Variants in TBC1D4 observed in about 807,000 individuals in gnomAD.
TBC1D4 encodes the protein TBC (Tre-2, BUB2, CDC16) domain-containing protein.
TBC1D4 carries 121 observed loss-of-function variants against 142.5 expected under a neutral mutation model. The observed-to-expected ratio is 0.85, with a 90% CI of 0.73 to 0.99. The LOEUF (loss-of-function observed/expected upper bound fraction) is 0.99, where lower values mean the gene tolerates loss of function less well. TBC1D4 is among the 50% of genes least tolerant of loss of function. TBC1D4 has a pLI of 0.00. For synonymous variants in TBC1D4, 630 were observed against 628.2 expected (o/e 1.00, Z -0.04); for missense variants, 1,475 against 1,606.6 (o/e 0.92, Z 1.40).
intron 8 of TBC1D4, among the ~76,000 whole-genome samples, chr13:75,332,356 G>T (rs1385097181): frequency 6.6e-6 from 1 of 152,182 alleles, no homozygotes; most frequent in Non-Finnish European, 1.5e-5. Flanking sequence ...CTTAGAAAAG[G>T]CAAATAATTC....
chr13:75,384,758 C>T (rs954472849), intron 1 of TBC1D4, among the ~76,000 whole-genome samples: 6 of 152,008 alleles, frequency 3.9e-5, no homozygotes, highest in Admixed American at 1.3e-4. Flanking sequence ...ATTATTCCTT[C>T]CACAACTCTG....
At chr13:75,481,224 C>G in intron 1 of TBC1D4, 46 bp downstream of exon 1, 1 of 873,234 alleles carries the variant, frequency 1.1e-6, no homozygotes, top group Non-Finnish European at 1.8e-6. Flanking sequence ...GCTCCCCGAT[C>G]CCCCAAGGCC....
intron 2 of TBC1D4, among the ~76,000 whole-genome samples, chr13:75,361,460 A>G (rs1171351724): frequency 6.6e-6 from 1 of 152,098 alleles, no homozygotes; most frequent in East Asian, 1.9e-4. Context: ...AGCTCACTAC[A>G]ACCTCCGACT....
chr13:75,444,394 T>C (rs1247173222), intron 1 of TBC1D4, among the ~76,000 whole-genome samples: 5 of 152,200 alleles, frequency 3.3e-5, no homozygotes, highest in Admixed American at 3.3e-4. Flanking sequence ...CCCAAAGGGC[T>C]GGGACTACAG....
Position 75,294,836 on chromosome 13 carries a change from A to T in TBC1D4, c.3316+18T>A. On this transcript the variant is annotated intron_variant, in intron 18 of 20. Transcript: ENST00000377636. ...GGAATAAATAATACTGTTCCATTTA[A>T]TTACAGGTATCTCTTACCAAAAACT... 6.2e-7 allele frequency: 1 copy of T among 1,611,994 alleles called. No homozygotes were observed. Among genetic ancestry groups the T allele is most frequent in the Non-Finnish European group, 8.5e-7 (1 of 1,178,174 alleles).
chr13:75,378,428 T>C (rs1396903890), intron 1 of TBC1D4, among the ~76,000 whole-genome samples: 1 of 152,082 alleles, frequency 6.6e-6, no homozygotes, highest in African/African-American at 2.4e-5. Flanking sequence ...ATCTAAACAA[T>C]GAGAGAAAAC....
chr13:75,455,364 G>A (rs1338752252), intron 1 of TBC1D4, among the ~76,000 whole-genome samples: 2 of 151,932 alleles, frequency 1.3e-5, no homozygotes, highest in Non-Finnish European at 2.9e-5. Flanking sequence ...ACTATACAAC[G>A]ATTATAATTA....
At chr13:75,328,924 CCT>C (rs983719685) in intron 8 of TBC1D4, among the ~76,000 whole-genome samples, 30 of 151,962 alleles carry the variant, frequency 2.0e-4, no homozygotes, top group Admixed American at 1.2e-3. Context: ...TCATCAACCC[CCT>C]CTCTTGCACT....
At chr13:75,347,343 G>A (rs1017458651) in intron 5 of TBC1D4, among the ~76,000 whole-genome samples, 1 of 152,068 alleles carries the variant, frequency 6.6e-6, no homozygotes, top group Non-Finnish European at 1.5e-5. Context: ...CTACTGCGTG[G>A]TTTTATCTTT....
chr13:75,431,694 A>G (rs140742317), intron 1 of TBC1D4, among the ~76,000 whole-genome samples: 174 of 152,340 alleles, frequency 1.1e-3, no homozygotes, highest in African/African-American at 3.1e-3. Flanking sequence ...TTTACTAAGT[A>G]ACTATTTGCA....
intron 5 of TBC1D4, among the ~76,000 whole-genome samples, chr13:75,347,791 TA>T (rs1013063289): frequency 2.2e-4 from 34 of 152,198 alleles, no homozygotes; most frequent in African/African-American, 7.2e-4. Flanking sequence ...TGTTTGAAAA[TA>T]ATGTACATTC....
intron 1 of TBC1D4, among the ~76,000 whole-genome samples, chr13:75,372,274 CT>C (rs5804806): frequency 4.7e-5 from 7 of 147,916 alleles, no homozygotes; most frequent in Admixed American, 6.7e-5. Flanking sequence ...TTAAGGCTCA[CT>C]TTTTTTTTTT....
At chr13:75,319,616 G>C (rs930611102) in intron 12 of TBC1D4, among the ~76,000 whole-genome samples, 2 of 152,200 alleles carry the variant, frequency 1.3e-5, no homozygotes, top group African/African-American at 4.8e-5. Context: ...TCAATTTTGT[G>C]AGTACGTTTC....
rs780708104 is a variant in TBC1D4, at chr13:75,362,329, C to T, written c.777G>A (p.Val259=). 1 of 1,614,078 alleles carries T rather than the reference C, an allele frequency of 6.2e-7. No homozygotes were observed. Among genetic ancestry groups the T allele is most frequent in the Non-Finnish European group, 8.5e-7 (1 of 1,180,042 alleles). ...GEDLADLEVV[V]PGSPGDCLPE... ...GCAGGCAGTCTCCGGGGGACCCGGG[C>T]ACCACCACCTCCAAGTCAGCCAGGT... is the stretch of plus-strand genomic sequence containing the variant. The change falls in exon 2 of 21, where the codon GTG becomes GTA. Residue 259 remains valine, a synonymous_variant. Transcript: ENST00000377636. The surrounding 1 kb of genome is among the most constrained non-coding windows in gnomAD (Gnocchi z 4.2).
intron 3 of TBC1D4, among the ~76,000 whole-genome samples, chr13:75,356,683 T>C (rs1882077558): frequency 6.6e-6 from 1 of 152,328 alleles, no homozygotes. Flanking sequence ...TTAACTGGTA[T>C]GGAATTCCCT....
chr13:75,294,565 G>C (rs1365593063), intron 18 of TBC1D4, among the ~76,000 whole-genome samples: 1 of 152,152 alleles, frequency 6.6e-6, no homozygotes, highest in African/African-American at 2.4e-5. Flanking sequence ...CCAGATTTTA[G>C]GAGTATACTC....
In TBC1D4 at chr13:75,362,548, G is replaced by C. The variant is rs778766582; in HGVS notation, c.558C>G (p.Ala186=). 7 of 1,614,064 alleles carry C rather than the reference G, an allele frequency of 4.3e-6. No individual in the cohort carries two copies. In the African/African-American group the frequency reaches 9.3e-5, roughly 22 times the overall value. Residue 186 remains alanine, a synonymous_variant, in exon 2 of 21, where the codon GCC becomes GCG. Transcript: ENST00000377636. This position sits in a 1 kb window ranked among gnomAD's most constrained non-coding sequence, Gnocchi z 4.2. Reference sequence around the variant, plus strand: ...CGTCCTCATTATCTTTGCTGGGTTTGGCATCCTCTTTCATGGCCGCTTTAG... The same window carrying C: ...CGTCCTCATTATCTTTGCTGGGTTTCGCATCCTCTTTCATGGCCGCTTTAG... ...QLSKAAMKED[A]KPSKDNEDAF... is the part of the protein sequence containing the mutation.
intron 14 of TBC1D4, among the ~76,000 whole-genome samples, chr13:75,307,471 G>A (rs746991096): frequency 6.6e-5 from 10 of 152,152 alleles, no homozygotes; most frequent in Non-Finnish European, 1.3e-4. Flanking sequence ...AGAAGGAAGA[G>A]CAGACACAAG....
At chr13:75,381,493 G>A (rs1167972088) in intron 1 of TBC1D4, among the ~76,000 whole-genome samples, 1 of 151,976 alleles carries the variant, frequency 6.6e-6, no homozygotes, top group Non-Finnish European at 1.5e-5. Flanking sequence ...AAGAAACAGG[G>A]GCATACCAGA....
Sources: allele counts gnomAD v4.1 joint callset (sites outside exome capture counted in the v4.1 genomes callset), GRCh38; gene constraint gnomAD v4.1.1; non-coding constraint Gnocchi (gnomAD v3.1); transcripts MANE v1.5; gene names NCBI Gene and HGNC (gene_info 2026-07-23, HGNC 2026-07-21).